OTOG: variants seen among roughly 807,000 people sequenced by gnomAD.
OTOG encodes otogelin.
Under a neutral mutation model 313.8 loss-of-function variants are expected in OTOG, and 296 were observed. The observed-to-expected ratio is 0.94, with a 90% confidence interval of 0.86 to 1.04. OTOG has a LOEUF of 1.04. Ranked by LOEUF, OTOG falls within the 50% of genes least tolerant of loss-of-function variation. The pLI is 0.00. For synonymous variants in OTOG, 1,533 were observed against 1,554.9 expected, an observed-to-expected ratio of 0.99 and a Z score of 0.33; for missense variants, 3,948 against 3,840.1, an observed-to-expected ratio of 1.03 and a Z score of -0.74.
At chr11:17,629,028 A>ATGGG (rs1224707603) in intron 39 of OTOG, 105 bp from the exon 40 acceptor site, 2 of 1,151,690 alleles carry the variant, frequency 1.7e-6, no homozygotes. Context: ...TTGTCAGATG[A>ATGGG]TGGGTGGATG....
Position 17,631,729 on chromosome 11 carries a change from A to G in OTOG, c.6740A>G (p.Asp2247Gly). Residue 2247 changes from aspartate (D) to glycine (G), a missense_variant, in exon 41 of 56, where the codon GAC (aspartate) becomes GGC (glycine). By Grantham distance (94) the Asp-to-Gly change is moderately conservative. Coordinates refer to ENST00000399397, the MANE Select transcript of OTOG (RefSeq NM_001292063.2). Reference protein sequence around the residue: ...CGICDGDAANDLTLKDGSVVG... With the variant: ...CGICDGDAANGLTLKDGSVVG... ...ATCTGTGATGGAGATGCAGCCAATG[A>G]CCTTACCCTGAAGGATGGCTCAGTG... 6.4e-7 allele frequency: 1 copy of G among 1,550,526 alleles called. No homozygotes were observed.
chr11:17,608,369 A>AACC lies in OTOG; in HGVS notation c.4231_4233dup (p.Thr1411dup), dbSNP rs1853441626. On this transcript the variant is annotated inframe_insertion, in exon 34 of 56. Coordinates refer to ENST00000399397, the MANE Select transcript of OTOG (RefSeq NM_001292063.2). ...ATGCCTGTGCCAGCCCCTGCTTCCA[A>AACC]ACCTGCCGGGACCCACGGGCAGCCA... 1.9e-6 allele frequency: 3 copies of AACC among 1,546,762 alleles called. No individual in the cohort carries two copies. In the East Asian group the frequency reaches 7.4e-5, roughly 38 times the overall value.
At chr11:17,564,818 G>A (rs901133183) in intron 15 of OTOG, among the ~76,000 whole-genome samples, 1 of 152,170 alleles carries the variant, frequency 6.6e-6, no homozygotes, top group African/African-American at 2.4e-5. Flanking sequence ...ACAGAGGCTT[G>A]GGGCATTTTT....
chr11:17,643,501 G>A lies in OTOG; in HGVS notation c.8456G>A (p.Arg2819Lys). 2 of 1,456,526 alleles carry A rather than the reference G, an allele frequency of 1.4e-6. No homozygotes were observed. Among genetic ancestry groups the A allele is most frequent in the Non-Finnish European group, 1.8e-6 (2 of 1,098,826 alleles). The allele number at this position is 1,456,526 out of a possible 1,614,324, so 90.2% of individuals were successfully genotyped here. Residue 2819 changes from arginine (R) to lysine (K), a missense_variant, in exon 54 of 56, where the codon AGG becomes AAG. Transcript: ENST00000399397. The part of the protein sequence containing the change: ...SVVPSLEGCC[R>K]TCKEDGRSCK... ...GTACCTTCCTTGGAAGGATGCTGCA[G>A]GACCTGTGAGTGAGCATGGTGGGGG...
chr11:17,553,098 G>A, intron 4 of OTOG, 21 bp from the exon 5 acceptor site: 2 of 1,549,650 alleles, frequency 1.3e-6, no homozygotes, highest in Non-Finnish European at 1.7e-6. Flanking sequence ...ATGGGGCAAT[G>A]ACTCTGTGTC....
rs1056352965 is a variant in OTOG, at chr11:17,569,155, G to A, written c.1645-1G>A. 7 of 1,550,500 alleles carry A rather than the reference G, an allele frequency of 4.5e-6. No individual in the cohort carries two copies. Among genetic ancestry groups the A allele is most frequent in the African/African-American group, 1.4e-5 (1 of 73,032 alleles). ...CCCCATTGACCTTTCTATCTCTCCAGAACCAAGATGGAGCCTGTGTCCAGT... is the reference window on the plus strand; with the variant it reads ...CCCCATTGACCTTTCTATCTCTCCAAAACCAAGATGGAGCCTGTGTCCAGT... On this transcript the variant is annotated splice_acceptor_variant, in intron 15 of 55. Coordinates refer to ENST00000399397, the MANE Select transcript of OTOG (RefSeq NM_001292063.2). LOFTEE classifies it high-confidence loss of function.
chr11:17,573,285 C>A lies in OTOG; in HGVS notation c.2288C>A (p.Ala763Asp). ...GTTGATTTCCGCGCCCGCCTGCCAG[C>A]CTGTGGTGAGTGCCCCACCCATGTG... Reference protein sequence around the residue: ...LPVDFRARLPACALSCEASKE... With the variant: ...LPVDFRARLPDCALSCEASKE... The change falls in exon 19 of 56, where the codon GCC (alanine) becomes GAC (aspartate). Residue 763 changes from alanine (A) to aspartate (D), a missense_variant. By Grantham distance (126) the Ala-to-Asp change is moderately radical. Transcript: ENST00000399397. The A allele has an allele frequency of 6.6e-7, 1 of 1,525,202 alleles. No individual in the cohort carries two copies. The highest frequency in any genetic ancestry group is 8.8e-7 in the Non-Finnish European group (1 of 1,139,934). The allele number at this position is 1,525,202 out of a possible 1,614,324, so 94.5% of individuals were successfully genotyped here. A position where few individuals can be genotyped will look rare whatever the true frequency, so the allele number is the denominator to read the frequency against.
rs887613052 is a variant in OTOG at position 17,641,893 on chromosome 11, C to T, written c.8237C>T (p.Ser2746Phe). The T allele has an allele frequency of 6.5e-6, 10 of 1,550,220 alleles. No homozygotes were observed. In the African/African-American group the frequency reaches 1.1e-4, roughly 17 times the overall value. Residue 2746 changes from serine to phenylalanine, a missense_variant, in exon 52 of 56, where the codon TCC (serine) becomes TTC (phenylalanine). Ser to Phe is a radical substitution (Grantham distance 155, BLOSUM62 -2). Transcript: ENST00000399397. ...CGGGACCTCGCTGCCTGCTGCGGCT[C>T]CTGCAGGAACGTGTCCTGTCTCTTC... ...HPRDLAACCG[S>F]CRNVSCLFTF... is the part of the protein sequence containing the mutation.
At chr11:17,608,526 G>A (rs1853446507) in intron 34 of OTOG, 113 bp downstream of exon 34, 1 of 688,404 alleles carries the variant, frequency 1.5e-6, no homozygotes, top group Non-Finnish European at 2.3e-6. Context: ...GGGGATGTGT[G>A]TACCACGGTA....
chr11:17,635,273 A>G lies in OTOG; in HGVS notation c.7693+86A>G, dbSNP rs1374525340. 2.7e-6 allele frequency: 3 copies of G among 1,124,140 alleles called. No individual in the cohort carries two copies. In the East Asian group the frequency reaches 7.8e-5, roughly 29 times the overall value. 69.6% of individuals were successfully genotyped at this position (1,124,140 alleles called of 1,614,324 possible). A position where few individuals can be genotyped will look rare whatever the true frequency, so the allele number is the denominator to read the frequency against. ...CCTGTGTCCTTGGGCAGCTGGGAGG[A>G]AAGGCTGGGGGTCTTCAGATGGGGT... On this transcript the variant is annotated intron_variant, in intron 46 of 55. Transcript: ENST00000399397.
chr11:17,576,217 T>G (rs1354838374), intron 20 of OTOG, among the ~76,000 whole-genome samples: 1 of 152,206 alleles, frequency 6.6e-6, no homozygotes, highest in Non-Finnish European at 1.5e-5. Flanking sequence ...ATCTGCCCTG[T>G]TCCTGACATG....
rs777988416 is a variant in OTOG, at chr11:17,553,499, GGAC to G, written c.521_523del (p.Gly174_Gln175delinsGlu). ...CCTGGTGGGTCGCCATGAGCCCGAG[GGAC>G]AGAGCTTCTCCATCCAGGTGAGGCC... On this transcript the variant is annotated inframe_deletion, in exon 6 of 56. Transcript: ENST00000399397. 6.5e-5 allele frequency: 94 copies of G among 1,445,812 alleles called. No homozygotes were observed. The Admixed American group carries it at 1.7e-3, about 26-fold the overall frequency. 89.6% of individuals were successfully genotyped at this position (1,445,812 alleles called of 1,614,324 possible).
chr11:17,628,622 G>T (rs1336014242), intron 39 of OTOG, among the ~76,000 whole-genome samples: 1 of 152,190 alleles, frequency 6.6e-6, no homozygotes, highest in Non-Finnish European at 1.5e-5. Context: ...CATAGTATCT[G>T]CCCTTAAGAA....
In OTOG at chr11:17,609,695, C is replaced by A; in HGVS notation, c.4395C>A (p.Gly1465=). The stretch of plus-strand genomic sequence containing the variant: ...TTTGGGTTCCCACAGAGGCCCTTGG[C>A]AATGAGACCCTCCCTCCCAGTCAAG... ...PAVWVPTEAL[G]NETLPPSQGL... is the part of the protein sequence containing the mutation. The change falls in exon 36 of 56, where the codon GGC becomes GGA. Residue 1465 remains glycine, a synonymous_variant. Transcript: ENST00000399397. The A allele has an allele frequency of 6.6e-7, 1 of 1,517,906 alleles. No homozygotes were observed. The highest frequency in any genetic ancestry group is 2.1e-5 in the Admixed American group (1 of 46,960). The allele number at this position is 1,517,906 out of a possible 1,614,324, so 94.0% of individuals were successfully genotyped here.
intron 42 of OTOG, among the ~76,000 whole-genome samples, chr11:17,632,509 T>C (rs1431238569): frequency 2.6e-5 from 4 of 152,206 alleles, no homozygotes; most frequent in Non-Finnish European, 5.9e-5. Flanking sequence ...TTTGCTTTCT[T>C]TGCGTCTCTT....
chr11:17,547,428 G>A lies in OTOG; in HGVS notation c.56G>A (p.Gly19Asp). The change falls in exon 1 of 56, where the codon GGT becomes GAT. Residue 19 changes from glycine (G) to aspartate (D), a missense_variant. Physicochemically the swap from Gly to Asp is moderately conservative, Grantham distance 94. Transcript: ENST00000399397. Reference protein sequence around the residue: ...CWLLCVWLPWGEQAAESLRVQ... With the variant: ...CWLLCVWLPWDEQAAESLRVQ... ...CTGCTTTGTGTCTGGCTGCCCTGGG[G>A]TGAGCAGGCAGCCGAGTCCCTGCGG... is the stretch of plus-strand genomic sequence containing the variant. The A allele has an allele frequency of 7.1e-7, 1 of 1,407,446 alleles. No homozygotes were observed. The highest frequency in any genetic ancestry group is 9.2e-7 in the Non-Finnish European group (1 of 1,085,162). The allele number at this position is 1,407,446 out of a possible 1,614,324, so 87.2% of individuals were successfully genotyped here.
At position 17,641,908 on chromosome 11, in the gene OTOG, C is replaced by G; in HGVS notation, c.8252C>G (p.Ser2751Cys). ...TGCTGCGGCTCCTGCAGGAACGTGT[C>G]CTGTCTCTTCACCTTCCCCAATGGC... is the stretch of plus-strand genomic sequence containing the variant. The part of the protein sequence containing the change: ...AACCGSCRNV[S>C]CLFTFPNGTT... Residue 2751 changes from serine to cysteine, a missense_variant, in exon 52 of 56, where the codon TCC (serine) becomes TGC (cysteine). By Grantham distance (112) the Ser-to-Cys change is moderately radical. Coordinates refer to ENST00000399397, the MANE Select transcript of OTOG (RefSeq NM_001292063.2). The G allele has an allele frequency of 1.3e-6, 2 of 1,550,316 alleles. No homozygotes were observed. Among genetic ancestry groups the G allele is most frequent in the Non-Finnish European group, 1.7e-6 (2 of 1,146,854 alleles).
At chr11:17,551,569 C>A (rs1851933110) in intron 3 of OTOG, among the ~76,000 whole-genome samples, 1 of 152,020 alleles carries the variant, frequency 6.6e-6, no homozygotes, top group South Asian at 2.1e-4. Context: ...GAGATGTTCC[C>A]CTGACCTGGG....
chr11:17,592,727 C>T (rs990258037), intron 25 of OTOG, among the ~76,000 whole-genome samples: 6 of 152,146 alleles, frequency 3.9e-5, no homozygotes, highest in Admixed American at 2.0e-4. Flanking sequence ...TTTTCCCCAT[C>T]GATGGACATT....
Sources: gnomAD v4.1 joint callset for allele counts (sites outside exome capture counted in the v4.1 genomes callset) on GRCh38, gnomAD v4.1.1 for gene constraint, MANE v1.5 for transcripts, NCBI Gene and HGNC (gene_info 2026-07-23, HGNC 2026-07-21) for gene names.